Variants in COL26A1 observed in about 807,000 individuals in gnomAD.
The protein encoded by COL26A1 is collagen alpha-1(XXVI) chain.
COL26A1 carries 41 observed loss-of-function variants against 59.3 expected under a neutral mutation model. That is an observed-to-expected ratio of 0.69 (90% CI 0.54 to 0.90). The LOEUF (loss-of-function observed/expected upper bound fraction) is 0.90, where lower values mean the gene tolerates loss of function less well. Ranked by LOEUF, COL26A1 falls within the 40% of genes least tolerant of loss-of-function variation. The pLI, the probability that COL26A1 is intolerant of heterozygous loss-of-function variation, is 0.00. For synonymous variants in COL26A1, 266 were observed against 256.0 expected (o/e 1.04, Z -0.37); for missense variants, 612 against 602.3 (o/e 1.02, Z -0.17).
At chr7:101,382,778 G>A (rs1791476951) in intron 1 of COL26A1, among the ~76,000 whole-genome samples, 1 of 152,170 alleles carries the variant, frequency 6.6e-6, no homozygotes, top group African/African-American at 2.4e-5. Context: ...AAGCTTGGTG[G>A]CTCACACCTG....
chr7:101,541,597 T>C (rs1350714088), intron 5 of COL26A1, among the ~76,000 whole-genome samples: 1 of 151,830 alleles, frequency 6.6e-6, no homozygotes, highest in Non-Finnish European at 1.5e-5. Context: ...GCAATCCTCA[T>C]GCCTCGGCTT....
intron 3 of COL26A1, among the ~76,000 whole-genome samples, chr7:101,502,005 C>T (rs1256326158): frequency 6.6e-6 from 1 of 152,236 alleles, no homozygotes; most frequent in African/African-American, 2.4e-5. Flanking sequence ...GAAGCGTTCC[C>T]TGGTCTTTCC....
rs375919988 is a variant in COL26A1, at chr7:101,545,068, C to T, written c.704-270C>T. 1.6e-4 allele frequency among the ~76,000 whole-genome samples: 24 copies of T among 152,254 alleles called. No individual in the cohort carries two copies. The East Asian group carries it at 4.2e-3, about 27-fold the overall frequency. ...TGGGAGGGACCAATGGGCCTCTGGC[C>T]AGAGCCTTTGCTGATTTCACCGTCC... is the stretch of plus-strand genomic sequence containing the variant. On this transcript the variant is annotated intron_variant, in intron 6 of 12. Coordinates refer to ENST00000313669, the MANE Select transcript of COL26A1 (RefSeq NM_001278563.3).
chr7:101,518,811 C>T (rs1000087698), intron 3 of COL26A1, among the ~76,000 whole-genome samples: 3 of 152,186 alleles, frequency 2.0e-5, no homozygotes, highest in South Asian at 2.1e-4. Flanking sequence ...ATGAAATCCC[C>T]GTCAAGTCCT....
intron 3 of COL26A1, among the ~76,000 whole-genome samples, chr7:101,517,798 A>ATTTTTTTTT (rs869245512): frequency 2.1e-4 from 16 of 76,914 alleles, no homozygotes; most frequent in Non-Finnish European, 2.0e-4. Context: ...TTCTCCCCGC[A>ATTTTTTTTT]TTTTTTTTTT....
At chr7:101,542,341 G>A (rs1206534408) in intron 5 of COL26A1, among the ~76,000 whole-genome samples, 3 of 152,138 alleles carry the variant, frequency 2.0e-5, no homozygotes, top group Non-Finnish European at 4.4e-5. Context: ...GACCTCAAGT[G>A]ATCCACCCGC....
intron 3 of COL26A1, among the ~76,000 whole-genome samples, chr7:101,448,202 T>G (rs1403685772): frequency 6.6e-6 from 1 of 152,252 alleles, no homozygotes; most frequent in Non-Finnish European, 1.5e-5. Context: ...TTTTGTAGAC[T>G]GAGACAGAGA....
In COL26A1 at chr7:101,547,142, C is replaced by T. The variant is rs772040570; in HGVS notation, c.857-14C>T. 10 of 1,574,108 alleles carry T rather than the reference C, an allele frequency of 6.4e-6. No homozygotes were observed. The highest frequency in any genetic ancestry group is 1.8e-4 in the Middle Eastern group (1 of 5,708). The stretch of plus-strand genomic sequence containing the variant: ...TGCCCCACCAGACCCCTGGCCGCTC[C>T]GCTCTTCCCACAGATGGAGACTCAA... On this transcript the variant is annotated splice_polypyrimidine_tract_variant and intron_variant, in intron 7 of 12. Transcript: ENST00000313669.
chr7:101,545,822 G>A (rs1322653279), intron 7 of COL26A1, among the ~76,000 whole-genome samples: 1 of 152,184 alleles, frequency 6.6e-6, no homozygotes, highest in African/African-American at 2.4e-5. Flanking sequence ...TTGGGGTTGT[G>A]AGCCCCAAAG....
At chr7:101,555,154 C>T (rs1353493094) in intron 11 of COL26A1, among the ~76,000 whole-genome samples, 1 of 152,138 alleles carries the variant, frequency 6.6e-6, no homozygotes, top group East Asian at 1.9e-4. Flanking sequence ...TAAGTCAGCA[C>T]CCTGTCTTGG....
chr7:101,471,144 A>G (rs1292200406), intron 3 of COL26A1, among the ~76,000 whole-genome samples: 1 of 152,210 alleles, frequency 6.6e-6, no homozygotes, highest in Non-Finnish European at 1.5e-5. Context: ...CCTTAAGGTC[A>G]AGGTACAGGA....
chr7:101,530,345 G>T (rs900157055), intron 3 of COL26A1, among the ~76,000 whole-genome samples: 5 of 151,792 alleles, frequency 3.3e-5, no homozygotes, highest in African/African-American at 1.2e-4. Context: ...GAGGTGGGCG[G>T]ATCCCTTGAG....
chr7:101,393,394 C>A (rs1337633207), intron 1 of COL26A1, among the ~76,000 whole-genome samples: 2 of 152,138 alleles, frequency 1.3e-5, no homozygotes, highest in African/African-American at 4.8e-5. Flanking sequence ...CAGGAAGCAT[C>A]CAGCACGGGA....
At chr7:101,404,389 T>C (rs1168455824) in intron 1 of COL26A1, among the ~76,000 whole-genome samples, 1 of 152,150 alleles carries the variant, frequency 6.6e-6, no homozygotes, top group Admixed American at 6.6e-5. Flanking sequence ...GGCGTGAGAA[T>C]GTGAGACCGG....
chr7:101,508,942 C>G (rs1773921209), intron 3 of COL26A1, among the ~76,000 whole-genome samples: 1 of 151,910 alleles, frequency 6.6e-6, no homozygotes, highest in Admixed American at 6.6e-5. Flanking sequence ...GAGGTCGAAG[C>G]TGCAGTGAGC....
In COL26A1 at chr7:101,557,439, G is replaced by C. The variant is rs767638163; in HGVS notation, c.1235G>C (p.Arg412Thr). The change falls in exon 13 of 13, where the codon AGG becomes ACG. Residue 412 changes from arginine to threonine, a missense_variant. Arg to Thr is a moderately conservative substitution (Grantham distance 71). Transcript: ENST00000313669. ...CTGAGAGCCAACCTCAAGATGAAGAGGGGTGGCGCCCAACCCGATGGGGTC... is the reference window on the plus strand; with the variant it reads ...CTGAGAGCCAACCTCAAGATGAAGACGGGTGGCGCCCAACCCGATGGGGTC... Reference protein sequence around the residue: ...AALRANLKMKRGGAQPDGVLA... With the variant: ...AALRANLKMKTGGAQPDGVLA... 6.2e-7 allele frequency: 1 copy of C among 1,613,774 alleles called. No homozygotes were observed. Among genetic ancestry groups the C allele is most frequent in the South Asian group, 1.1e-5 (1 of 91,058 alleles).
chr7:101,411,817 G>C (rs1341282147), intron 1 of COL26A1, among the ~76,000 whole-genome samples: 1 of 152,028 alleles, frequency 6.6e-6, no homozygotes, highest in African/African-American at 2.4e-5. Flanking sequence ...TGGAAAGGAG[G>C]GGGGCCCTGG....
intron 1 of COL26A1, among the ~76,000 whole-genome samples, chr7:101,367,370 G>A (rs1335125514): frequency 6.6e-6 from 1 of 152,076 alleles, no homozygotes; most frequent in Non-Finnish European, 1.5e-5. Context: ...GATGTTATAA[G>A]AACAGGAAGA....
rs746391883 is a variant in COL26A1 at position 101,420,051 on chromosome 7, G to A, written c.233G>A (p.Arg78His). ...AATGGCTCGGAGACGGTGGTCCAGC[G>A]CGTGTACCAGAGCTGCCGGTGGCCG... Reference protein sequence around the residue: ...VQNGSETVVQRVYQSCRWPGP... With the variant: ...VQNGSETVVQHVYQSCRWPGP... The change falls in exon 2 of 13, where the codon CGC becomes CAC. Residue 78 changes from arginine (R) to histidine (H), a missense_variant. Arg to His is a conservative substitution (Grantham distance 29, BLOSUM62 0). Transcript: ENST00000313669. 120 of 1,612,932 alleles carry A rather than the reference G, an allele frequency of 7.4e-5. No homozygotes were observed. The highest frequency in any genetic ancestry group is 1.6e-4 in the Middle Eastern group (1 of 6,080).
Sources: gnomAD v4.1 joint callset for allele counts (sites outside exome capture counted in the v4.1 genomes callset) on GRCh38, gnomAD v4.1.1 for gene constraint, MANE v1.5 for transcripts, NCBI Gene and HGNC (gene_info 2026-07-23, HGNC 2026-07-21) for gene names.